PKD1L1: variants seen among roughly 807,000 people sequenced by gnomAD.
PKD1L1 encodes polycystin 1 like 1, transient receptor potential channel interacting, also known as polycystin-1-like protein 1.
In PKD1L1, 236 loss-of-function variants were observed where a neutral mutation model predicts 323.4. The observed-to-expected ratio is 0.73, with a 90% CI of 0.66 to 0.81. The LOEUF (loss-of-function observed/expected upper bound fraction) is 0.81. Among genes scored for constraint, PKD1L1 ranks in the 40% least tolerant of loss-of-function variants. PKD1L1 has a pLI of 0.00. For missense variants in PKD1L1, 3,320 were observed against 3,508.0 expected, an observed-to-expected ratio of 0.95 and a Z score of 1.35; for synonymous variants, 1,344 against 1,335.0, an observed-to-expected ratio of 1.01 and a Z score of -0.15.
chr7:47,922,557 G>T (rs1479266265), intron 7 of PKD1L1, among the ~76,000 whole-genome samples: 1 of 151,596 alleles, frequency 6.6e-6, no homozygotes, highest in Admixed American at 6.6e-5. Context: ...CCTCTGCCAG[G>T]CCGCGACCCC....
intron 6 of PKD1L1, among the ~76,000 whole-genome samples, chr7:47,930,103 C>A (rs1287507095): frequency 6.6e-6 from 1 of 152,126 alleles, no homozygotes; most frequent in African/African-American, 2.4e-5. Context: ...TTGAGTAAAG[C>A]ATATGGTGTT....
intron 24 of PKD1L1, among the ~76,000 whole-genome samples, chr7:47,868,263 G>C (rs1018533966): frequency 1.3e-5 from 2 of 152,158 alleles, no homozygotes; most frequent in African/African-American, 4.8e-5. Context: ...CAGCTACTTG[G>C]GAGGCTGAGG....
At chr7:47,943,034 T>G (rs1038874302) in intron 2 of PKD1L1, among the ~76,000 whole-genome samples, 4 of 151,054 alleles carry the variant, frequency 2.6e-5, no homozygotes, top group East Asian at 2.0e-4. Flanking sequence ...TAGTCCCAGC[T>G]ACTCAGGAGG....
intron 14 of PKD1L1, among the ~76,000 whole-genome samples, chr7:47,894,823 A>G (rs1231295858): frequency 6.8e-6 from 1 of 148,110 alleles, no homozygotes; most frequent in Admixed American, 6.9e-5. Context: ...ACACCACTAC[A>G]CTCCAGCCTG....
At chr7:47,855,712 T>G (rs1295594184) in intron 28 of PKD1L1, among the ~76,000 whole-genome samples, 1 of 128,540 alleles carries the variant, frequency 7.8e-6, no homozygotes, top group Non-Finnish European at 1.6e-5. Flanking sequence ...CCGTCTCTAC[T>G]AAAAATACAA....
intron 44 of PKD1L1, 49 bp from the exon 45 acceptor site, chr7:47,827,517 G>A (rs751370359): frequency 1.3e-6 from 2 of 1,505,944 alleles, no homozygotes; most frequent in Non-Finnish European, 1.8e-6. Flanking sequence ...GGTGGAAGGA[G>A]AGAGGCCCCT....
At position 47,905,939 on chromosome 7, in the gene PKD1L1, G is replaced by A; in HGVS notation, c.1426C>T (p.Pro476Ser). The A allele has an allele frequency of 6.2e-7, 1 of 1,609,372 alleles. No homozygotes were observed. Among genetic ancestry groups the A allele is most frequent in the Non-Finnish European group, 8.5e-7 (1 of 1,178,484 alleles). ...GACACGTTATATGAAGGAATAGATG[G>A]AAAGTGATGTATAACCACAGTGCCT... ...QKSTVVIHHF[P>S]SIPSYNVSFI... The change falls in exon 10 of 57, where the codon CCA becomes TCA. Residue 476 changes from proline (P) to serine (S), a missense_variant. Physicochemically the swap from Pro to Ser is moderately conservative, Grantham distance 74. Transcript: ENST00000289672.
At chr7:47,877,025 T>C (rs1420646063) in intron 22 of PKD1L1, among the ~76,000 whole-genome samples, 1 of 152,000 alleles carries the variant, frequency 6.6e-6, no homozygotes, top group Non-Finnish European at 1.5e-5. Context: ...ATCCATCCTC[T>C]CATTTCACCC....
At chr7:47,800,521 C>T in intron 54 of PKD1L1, 128 bp downstream of exon 54, 1 of 948,424 alleles carries the variant, frequency 1.1e-6, no homozygotes, top group Non-Finnish European at 1.6e-6. Flanking sequence ...AGCTGGACGG[C>T]AGGGATTCAT....
chr7:47,902,460 G>A lies in PKD1L1; in HGVS notation c.1983C>T (p.Ser661=), dbSNP rs753657679. ...CGATGAAAAGTTGCTGTCTTAGAGT[G>A]GAGGCACTGACATTATTGAAGGCAA... ...EVLAFNNVSA[S]TLRQQLFIVC... The change falls in exon 13 of 57, where the codon TCC becomes TCT. Residue 661 remains serine, a synonymous_variant. Transcript: ENST00000289672. The A allele has an allele frequency of 1.2e-6, 2 of 1,614,084 alleles. No homozygotes were observed. Among genetic ancestry groups the A allele is most frequent in the Non-Finnish European group, 8.5e-7 (1 of 1,179,952 alleles).
chr7:47,864,818 A>G (rs1304054772), intron 26 of PKD1L1, among the ~76,000 whole-genome samples: 3 of 151,622 alleles, frequency 2.0e-5, no homozygotes, highest in Non-Finnish European at 4.4e-5. Context: ...TCCTGGCTTC[A>G]AGCGATTCTC....
intron 56 of PKD1L1, among the ~76,000 whole-genome samples, chr7:47,788,580 T>A (rs376896666): frequency 0.28 from 38,518 of 136,350 alleles, 5,739 homozygotes; most frequent in East Asian, 0.65. Context: ...TATATATATT[T>A]TTTTTTTTTA....
At chr7:47,916,266 C>CAGTTGAAAAATAGT (rs1787427589) in intron 7 of PKD1L1, among the ~76,000 whole-genome samples, 1 of 152,174 alleles carries the variant, frequency 6.6e-6, no homozygotes, top group South Asian at 2.1e-4. Context: ...TTTGCAAATG[C>CAGTTGAAAAATAGT]CTTTAAGGAT....
Position 47,835,038 on chromosome 7 carries a change from T to G in PKD1L1, c.6056A>C (p.Glu2019Ala). ...CTCCACTCGGGCAGACCCCGGGGCT[T>G]CCTGCAGAAGGAAAGAGGTGGTTCG... is the stretch of plus-strand genomic sequence containing the variant. Reference protein sequence around the residue: ...LLSLLFRLSKEAPGSARVEPH... With the variant: ...LLSLLFRLSKAAPGSARVEPH... The change falls in exon 39 of 57, where the codon GAA becomes GCA. Residue 2019 changes from glutamate (E) to alanine (A), a missense_variant and splice_region_variant. By Grantham distance (107) the Glu-to-Ala change is moderately radical. Transcript: ENST00000289672. 6.2e-7 allele frequency: 1 copy of G among 1,613,782 alleles called. No individual in the cohort carries two copies. The highest frequency in any genetic ancestry group is 8.5e-7 in the Non-Finnish European group (1 of 1,179,836).
At chr7:47,788,589 TA>T (rs1562930052) in intron 56 of PKD1L1, among the ~76,000 whole-genome samples, 1 of 135,046 alleles carries the variant, frequency 7.4e-6, no homozygotes, top group Admixed American at 7.7e-5. Flanking sequence ...TTTTTTTTTT[TA>T]ATTTTAATTT....
chr7:47,792,878 G>A, intron 55 of PKD1L1, 81 bp from the exon 56 acceptor site: 1 of 1,317,110 alleles, frequency 7.6e-7, no homozygotes, highest in Non-Finnish European at 1.1e-6. Flanking sequence ...AGCATTTAGG[G>A]GTATCATCTG....
intron 32 of PKD1L1, 96 bp downstream of exon 32, chr7:47,846,783 C>T (rs1467961781): frequency 1.4e-5 from 16 of 1,135,326 alleles, no homozygotes; most frequent in Non-Finnish European, 1.6e-5. Flanking sequence ...TTCTTATGGA[C>T]AAGGTTCAGG....
intron 14 of PKD1L1, among the ~76,000 whole-genome samples, chr7:47,895,285 G>C (rs1032507098): frequency 1.3e-5 from 2 of 152,214 alleles, no homozygotes; most frequent in African/African-American, 4.8e-5. Flanking sequence ...GAAGACTACA[G>C]AAGTGGCTCC....
At chr7:47,781,919 G>A (rs1786706784) in intron 56 of PKD1L1, among the ~76,000 whole-genome samples, 1 of 152,118 alleles carries the variant, frequency 6.6e-6, no homozygotes, top group Non-Finnish European at 1.5e-5. Context: ...TGTCAAAAAT[G>A]CTATTCTTCC....
Sources: gnomAD v4.1 joint callset for allele counts (sites outside exome capture counted in the v4.1 genomes callset) on GRCh38, gnomAD v4.1.1 for gene constraint, MANE v1.5 for transcripts, NCBI Gene and HGNC (gene_info 2026-07-23, HGNC 2026-07-21) for gene names.